The following FAXC variants were observed in gnomAD, a reference collection of about 807,000 sequenced individuals.
FAXC encodes failed axon connections homolog.
In FAXC, 10 loss-of-function variants were observed where a neutral mutation model predicts 41.9. The ratio of observed to expected loss-of-function variants is 0.24; its 90% confidence interval spans 0.15 to 0.41. The LOEUF is 0.41. Among genes scored for constraint, FAXC ranks in the 10% least tolerant of loss-of-function variants. The pLI is 1.00. For synonymous variants in FAXC, 183 were observed against 183.8 expected, an observed-to-expected ratio of 1.00 and a Z score of 0.03; for missense variants, 399 against 510.9, an observed-to-expected ratio of 0.78 and a Z score of 2.11.
chr6:99,315,143 G>C (rs1772292470), intron 4 of FAXC, among the ~76,000 whole-genome samples: 1 of 138,832 alleles, frequency 7.2e-6, no homozygotes, highest in Non-Finnish European at 1.5e-5. Context: ...TGAGGTAAGA[G>C]AATCACTTGA....
chr6:99,343,399 G>A (rs1030755040), intron 1 of FAXC, among the ~76,000 whole-genome samples: 2 of 152,194 alleles, frequency 1.3e-5, no homozygotes, highest in African/African-American at 4.8e-5. Context: ...GCTAGGACAA[G>A]CTGGATGGAT....
intron 4 of FAXC, among the ~76,000 whole-genome samples, chr6:99,321,506 A>C (rs1010200505): frequency 6.6e-6 from 1 of 152,168 alleles, no homozygotes; most frequent in Non-Finnish European, 1.5e-5. Context: ...CAAATATAGA[A>C]AAAGTGCTTC....
chr6:99,347,689 G>A (rs1371444948), intron 1 of FAXC, among the ~76,000 whole-genome samples: 1 of 152,184 alleles, frequency 6.6e-6, no homozygotes, highest in South Asian at 2.1e-4. Context: ...TCATGGTTTG[G>A]GATCTCCTCA....
rs1448440317 is a variant in FAXC at position 99,281,255 on chromosome 6, G to A, written c.1139C>T (p.Ser380Phe). 6.2e-7 allele frequency: 1 copy of A among 1,614,034 alleles called. No homozygotes were observed. The highest frequency in any genetic ancestry group is 8.5e-7 in the Non-Finnish European group (1 of 1,179,914). The change falls in exon 6 of 6, where the codon TCC becomes TTC. Residue 380 changes from serine to phenylalanine, a missense_variant. Physicochemically the swap from Ser to Phe is radical, Grantham distance 155. Transcript: ENST00000389677. ...FEDEGAENSF[S>F]RTPDTDFTGH... ...AGTAAAATCTGTGTCTGGGGTTCTG[G>A]AAAAACTGTTTTCTGCTCCCTCATC...
At chr6:99,329,144 A>G (rs1772935092) in intron 3 of FAXC, among the ~76,000 whole-genome samples, 1 of 152,254 alleles carries the variant, frequency 6.6e-6, no homozygotes, top group Non-Finnish European at 1.5e-5. Context: ...GAAAGCTGAC[A>G]AGGCTAAGCA....
chr6:99,338,667 G>A (rs904174574), intron 2 of FAXC, among the ~76,000 whole-genome samples: 1 of 152,168 alleles, frequency 6.6e-6, no homozygotes, highest in Non-Finnish European at 1.5e-5. Context: ...GTAGCTGTTG[G>A]GTAGCAATCT....
At chr6:99,287,638 C>A (rs925879445) in intron 5 of FAXC, among the ~76,000 whole-genome samples, 1 of 152,118 alleles carries the variant, frequency 6.6e-6, no homozygotes, top group Non-Finnish European at 1.5e-5. Context: ...GGTGCTTCTG[C>A]CGTTCCAAAG....
intron 2 of FAXC, among the ~76,000 whole-genome samples, chr6:99,339,674 T>C (rs9385718): frequency 0.88 from 133,193 of 152,172 alleles, 58,774 homozygotes; most frequent in East Asian, 1. Flanking sequence ...ACACAATAGA[T>C]GGGGTAAATA....
Position 99,281,038 on chromosome 6 carries a change from A to G in FAXC, c.*126T>C, listed in dbSNP as rs1264577491. ...AAAAGAAATAAGGCTGCTATAGTCC[A>G]GTTAGCATGTGAAAACTCTGCCAAG... is the stretch of plus-strand genomic sequence containing the variant. On this transcript the variant is annotated 3_prime_UTR_variant, in exon 6 of 6. Coordinates refer to ENST00000389677, the MANE Select transcript of FAXC (RefSeq NM_032511.4). 1.5e-6 allele frequency: 1 copy of G among 677,374 alleles called. No homozygotes were observed. The highest frequency in any genetic ancestry group is 2.7e-6 in the Non-Finnish European group (1 of 370,752). The allele number at this position is 677,374 out of a possible 1,614,324, so 42.0% of individuals were successfully genotyped here.
At chr6:99,319,909 T>G (rs1425861938) in intron 4 of FAXC, among the ~76,000 whole-genome samples, 1 of 152,240 alleles carries the variant, frequency 6.6e-6, no homozygotes, top group Non-Finnish European at 1.5e-5. Flanking sequence ...TGTAATAATT[T>G]TAGTTGATTC....
rs185334282 is a variant in FAXC, at chr6:99,281,121, G to A, written c.*43C>T. 2.6e-5 allele frequency: 24 copies of A among 920,410 alleles called. No homozygotes were observed. The East Asian group carries it at 5.5e-4, about 21-fold the overall frequency. 57.0% of individuals were successfully genotyped at this position (920,410 alleles called of 1,614,324 possible). On this transcript the variant is annotated 3_prime_UTR_variant, in exon 6 of 6. Coordinates refer to ENST00000389677, the MANE Select transcript of FAXC (RefSeq NM_032511.4). ...CTACCTGGGAAAATGGACCGACCCA[G>A]GGAGTGGCAGGTCCCAAGGAAGAGG... is the stretch of plus-strand genomic sequence containing the variant.
intron 4 of FAXC, among the ~76,000 whole-genome samples, chr6:99,301,170 C>G (rs72921093): frequency 0.08 from 12,185 of 152,298 alleles, 544 homozygotes; most frequent in South Asian, 0.13. Flanking sequence ...AGGCACGGAT[C>G]CCTTAGGAGG....
At position 99,279,329 on chromosome 6, in the gene FAXC, C is replaced by T. The variant is rs1383537379; in HGVS notation, c.*1835G>A. 4.6e-5 allele frequency: 7 copies of T among 152,290 alleles called. No individual in the cohort carries two copies. In the East Asian group the frequency reaches 5.8e-4, roughly 13 times the overall value. The allele number at this position is 152,290 out of a possible 1,614,324, so 9.4% of individuals were successfully genotyped here. A position where few individuals can be genotyped will look rare whatever the true frequency, so the allele number is the denominator to read the frequency against. The stretch of plus-strand genomic sequence containing the variant: ...ATTTCTAACTTAGGGTATCTCAGCA[C>T]GTATTCCCAGTTACATATGCCCTAC... On this transcript the variant is annotated 3_prime_UTR_variant, in exon 6 of 6. Transcript: ENST00000389677.
intron 4 of FAXC, among the ~76,000 whole-genome samples, chr6:99,295,109 CAAAAGGG>C (rs893093182): frequency 6.6e-6 from 1 of 152,014 alleles, no homozygotes; most frequent in Admixed American, 6.6e-5. Context: ...ACACAGAACG[CAAAAGGG>C]AAAAGAGAAC....
At chr6:99,334,284 A>G (rs1773137134) in intron 2 of FAXC, among the ~76,000 whole-genome samples, 1 of 152,134 alleles carries the variant, frequency 6.6e-6, no homozygotes, top group African/African-American at 2.4e-5. Flanking sequence ...AGTAGGCCTA[A>G]CCTCAAAAAG....
intron 2 of FAXC, among the ~76,000 whole-genome samples, chr6:99,339,962 A>G (rs1426784396): frequency 1.3e-5 from 2 of 152,214 alleles, no homozygotes; most frequent in East Asian, 1.9e-4. Context: ...ACCTCAGATA[A>G]TAAGAGTTTA....
At chr6:99,299,458 T>C (rs756611439) in intron 4 of FAXC, among the ~76,000 whole-genome samples, 14 of 152,194 alleles carry the variant, frequency 9.2e-5, no homozygotes, top group Non-Finnish European at 1.9e-4. Flanking sequence ...CAATTGTGTG[T>C]TTTACATAGG....
intron 2 of FAXC, among the ~76,000 whole-genome samples, chr6:99,334,090 G>A (rs549122497): frequency 4.5e-4 from 69 of 152,252 alleles, no homozygotes; most frequent in African/African-American, 1.5e-3. Context: ...TTCAACTACT[G>A]TGCCTCTTAA....
At chr6:99,347,573 T>C (rs1278089856) in intron 1 of FAXC, among the ~76,000 whole-genome samples, 1 of 152,166 alleles carries the variant, frequency 6.6e-6, no homozygotes, top group Non-Finnish European at 1.5e-5. Context: ...GGGCAGGGCC[T>C]ACTCCGGAGT....
Sources: gnomAD v4.1 joint callset for allele counts (sites outside exome capture counted in the v4.1 genomes callset) on GRCh38, gnomAD v4.1.1 for gene constraint, MANE v1.5 for transcripts, NCBI Gene and HGNC (gene_info 2026-07-23, HGNC 2026-07-21) for gene names.